PNPLA1: variants seen among roughly 807,000 people sequenced by gnomAD.
The protein encoded by PNPLA1 is patatin like domain 1, omega-hydroxyceramide transacylase, also known as omega-hydroxyceramide transacylase.
A neutral mutation model predicts 51.7 loss-of-function variants in PNPLA1; 36 were observed. The observed-to-expected ratio is 0.70, with a 90% CI of 0.53 to 0.92. The LOEUF is 0.92. PNPLA1 is among the 40% of genes least tolerant of loss of function. The pLI, the probability that PNPLA1 is intolerant of heterozygous loss-of-function variation, is 0.00. For missense variants in PNPLA1, 658 were observed against 682.5 expected (o/e 0.96, Z 0.40); for synonymous variants, 293 against 280.1 (o/e 1.05, Z -0.46).
Position 36,301,993 on chromosome 6 carries a change from GT to G in PNPLA1, c.909del (p.Leu304TrpfsTer63). The G allele has an allele frequency of 6.2e-7, 1 of 1,614,244 alleles. No homozygotes were observed. The highest frequency in any genetic ancestry group is 8.5e-7 in the Non-Finnish European group (1 of 1,180,040). On this transcript the variant is annotated frameshift_variant, in exon 6 of 9. Transcript: ENST00000636260. LOFTEE classifies it high-confidence loss of function. ...SQPSLRARQASLEGATQPHKE... is the reference protein window; with the variant it reads ...SQPSLRARQAXLEGATQPHKE... ...CCAAGCCTTCGAGCACGGCAGGCCA[GT>G]CTGGAAGGAGCCACACAACCTCACA... is the stretch of plus-strand genomic sequence containing the variant.
Position 36,301,838 on chromosome 6 carries a change from C to A in PNPLA1, c.776-23C>A, listed in dbSNP as rs761325452. 5 of 1,602,302 alleles carry A rather than the reference C, an allele frequency of 3.1e-6. 1 individual carries two copies. The South Asian group carries it at 3.4e-5, about 11-fold the overall frequency. ...ATGCTGCTGCCAGGGCTGAGTAACACCCCATGCTATTGTTTATCCTAGATG... is the reference window on the plus strand; with the variant it reads ...ATGCTGCTGCCAGGGCTGAGTAACAACCCATGCTATTGTTTATCCTAGATG... On this transcript the variant is annotated intron_variant, in intron 5 of 8. Coordinates refer to ENST00000636260, the MANE Select transcript of PNPLA1 (RefSeq NM_001374623.1).
At chr6:36,267,478 A>C (rs537211825), upstream of PNPLA1, among the ~76,000 whole-genome samples, 1 of 152,244 alleles carries the variant, frequency 6.6e-6, no homozygotes, top group Admixed American at 6.5e-5. Flanking sequence ...TGCTGTCTCC[A>C]CGTCCACAGG....
intron 1 of PNPLA1, among the ~76,000 whole-genome samples, chr6:36,244,809 CACCA>C (rs936973837): frequency 6.6e-6 from 1 of 152,212 alleles, no homozygotes; most frequent in African/African-American, 2.4e-5. Context: ...TGGGTCTGCC[CACCA>C]GGTGCAGCAA....
intron 1 of PNPLA1, among the ~76,000 whole-genome samples, chr6:36,286,699 G>T (rs1267471049): frequency 6.6e-6 from 1 of 152,124 alleles, no homozygotes; most frequent in African/African-American, 2.4e-5. Context: ...ATTTTTTAGA[G>T]GCAGGGTCTC....
intron 2 of PNPLA1, 115 bp downstream of exon 2, chr6:36,291,667 T>G: frequency 1.2e-6 from 1 of 851,816 alleles, no homozygotes; most frequent in Non-Finnish European, 1.8e-6. Context: ...TCCCTAGTCC[T>G]TCCCTTCCTT....
chr6:36,286,788 C>T (rs1770502066), intron 1 of PNPLA1, among the ~76,000 whole-genome samples: 1 of 152,088 alleles, frequency 6.6e-6, no homozygotes, highest in Non-Finnish European at 1.5e-5. Flanking sequence ...AAGTGATCCT[C>T]CCACCTCAAC....
intron 5 of PNPLA1, among the ~76,000 whole-genome samples, chr6:36,298,841 C>T (rs557149947): frequency 3.9e-5 from 6 of 152,268 alleles, no homozygotes; most frequent in South Asian, 2.1e-4. Context: ...TGGGTTCAAG[C>T]GATTCTCCCG....
At chr6:36,262,931 T>C (rs140315014) in intron 1 of PNPLA1, among the ~76,000 whole-genome samples, 22 of 152,372 alleles carry the variant, frequency 1.4e-4, no homozygotes, top group Non-Finnish European at 2.8e-4. Flanking sequence ...TCTTTGCATA[T>C]ATTTTTGGAG....
At chr6:36,291,942 G>A (rs541533612) in intron 2 of PNPLA1, among the ~76,000 whole-genome samples, 3 of 152,278 alleles carry the variant, frequency 2.0e-5, no homozygotes, top group Admixed American at 2.0e-4. Flanking sequence ...GGGGAGAGGG[G>A]CCCCCATGTC....
At chr6:36,253,242 T>C (rs2062399945) in intron 1 of PNPLA1, among the ~76,000 whole-genome samples, 2 of 152,202 alleles carry the variant, frequency 1.3e-5, no homozygotes, top group African/African-American at 4.8e-5. Flanking sequence ...ATACTATGAA[T>C]GTCAACATCA....
chr6:36,311,469 C>T (rs1183450091), intron 8 of PNPLA1, among the ~76,000 whole-genome samples: 2 of 152,194 alleles, frequency 1.3e-5, no homozygotes, highest in Admixed American at 1.3e-4. Flanking sequence ...CCTTGGATGA[C>T]CGGCTAATGA....
intron 5 of PNPLA1, among the ~76,000 whole-genome samples, chr6:36,299,335 G>GTTTTTTTTTTTTTTTTTTGTCTTTTTTT (rs767505825): frequency 1.7e-5 from 1 of 58,772 alleles, no homozygotes; most frequent in African/African-American, 4.4e-5. Context: ...TTTTTTGTCT[G>GTTTTTTTTTTTTTTTTTTGTCTTTTTTT]TTTTTTTTTT....
intron 1 of PNPLA1, among the ~76,000 whole-genome samples, chr6:36,252,566 C>T (rs1041137933): frequency 2.0e-5 from 3 of 148,708 alleles, no homozygotes; most frequent in South Asian, 2.1e-4. Context: ...AAAACCCAGG[C>T]ACTGATGTCA....
Position 36,306,276 on chromosome 6 carries a change from A to C in PNPLA1, c.1385-16A>C. On this transcript the variant is annotated splice_polypyrimidine_tract_variant and intron_variant, in intron 6 of 8. Transcript: ENST00000636260. ...CCTCCCCATCTCACTCCCGTTTCCT[A>C]TATCTTTACTTTTAGCTGTAGCTCT... 5 of 1,600,652 alleles carry C rather than the reference A, an allele frequency of 3.1e-6. No homozygotes were observed. The highest frequency in any genetic ancestry group is 4.3e-6 in the Non-Finnish European group (5 of 1,172,796).
At chr6:36,255,687 A>T (rs781367496) in intron 1 of PNPLA1, among the ~76,000 whole-genome samples, 1 of 38,298 alleles carries the variant, frequency 2.6e-5, no homozygotes, top group African/African-American at 2.1e-4. Context: ...AACTCCGTCT[A>T]AAAAAAAAAA....
chr6:36,277,634 C>T (rs1193500381), intron 1 of PNPLA1, among the ~76,000 whole-genome samples: 1 of 152,148 alleles, frequency 6.6e-6, no homozygotes, highest in Non-Finnish European at 1.5e-5. Flanking sequence ...GACGCTGAGG[C>T]GGGAGAATTG....
At chr6:36,255,228 G>A (rs1465474056) in intron 1 of PNPLA1, among the ~76,000 whole-genome samples, 3 of 151,210 alleles carry the variant, frequency 2.0e-5, no homozygotes, top group Non-Finnish European at 2.9e-5. Context: ...AAATTGGCCA[G>A]GTGCAGTAGC....
At chr6:36,291,592 C>CGGGGAACGGGGGGGGGGG in intron 2 of PNPLA1, 40 bp downstream of exon 2, 1 of 105,202 alleles carries the variant, frequency 9.5e-6, no homozygotes, top group Non-Finnish European at 1.9e-5. Flanking sequence ...ACGGAGGGGG[C>CGGGGAACGGGGGGGGGGG]GGGGGAGGGC....
chr6:36,311,589 C>T (rs1311234562), intron 8 of PNPLA1, among the ~76,000 whole-genome samples, 174 bp from the exon 9 acceptor site: 3 of 152,216 alleles, frequency 2.0e-5, no homozygotes, highest in African/African-American at 4.8e-5. Context: ...TACAAGTCCA[C>T]ATCCCAGCAT....
Sources: gnomAD v4.1 joint callset for allele counts (sites outside exome capture counted in the v4.1 genomes callset) on GRCh38, gnomAD v4.1.1 for gene constraint, MANE v1.5 for transcripts, NCBI Gene and HGNC (gene_info 2026-07-23, HGNC 2026-07-21) for gene names.